The following NEBL variants were observed in gnomAD, a reference collection of about 807,000 sequenced individuals.
NEBL encodes LIM and SH3 protein 2.
A neutral mutation model predicts 140.2 loss-of-function variants in NEBL; 122 were observed. The observed-to-expected ratio is 0.87, with a 90% CI of 0.75 to 1.01. The LOEUF (loss-of-function observed/expected upper bound fraction) is 1.01, where lower values mean the gene tolerates loss of function less well. NEBL is among the 50% of genes least tolerant of loss of function. NEBL has a pLI of 0.00. For missense variants in NEBL, 1,365 were observed against 1,231.3 expected, an observed-to-expected ratio of 1.11 and a Z score of -1.62; for synonymous variants, 436 against 398.9, an observed-to-expected ratio of 1.09 and a Z score of -1.11.
At chr10:20,791,730 G>T (rs1335296929) in intron 26 of NEBL, among the ~76,000 whole-genome samples, 1 of 152,094 alleles carries the variant, frequency 6.6e-6, no homozygotes, top group African/African-American at 2.4e-5. Flanking sequence ...TCTGAAACTG[G>T]AAAAGAGGAA....
At chr10:20,825,369 T>C (rs1839738775) in intron 18 of NEBL, among the ~76,000 whole-genome samples, 2 of 152,190 alleles carry the variant, frequency 1.3e-5, no homozygotes, top group East Asian at 3.9e-4. Flanking sequence ...AGAAACTAAA[T>C]GTAACGGAAA....
chr10:21,097,608 C>G (rs1244122364), intron 2 of NEBL, among the ~76,000 whole-genome samples: 2 of 152,172 alleles, frequency 1.3e-5, no homozygotes, highest in Non-Finnish European at 2.9e-5. Context: ...ATTCTGGTTA[C>G]ATCATTACCC....
At chr10:20,925,812 G>C (rs149886987) in intron 4 of NEBL, among the ~76,000 whole-genome samples, 13 of 152,042 alleles carry the variant, frequency 8.6e-5, no homozygotes, top group South Asian at 4.2e-4. Context: ...TCTGGACATA[G>C]AGCTTTCTCT....
At chr10:21,101,025 T>C (rs1172239788) in intron 2 of NEBL, among the ~76,000 whole-genome samples, 2 of 152,132 alleles carry the variant, frequency 1.3e-5, no homozygotes, top group Non-Finnish European at 2.9e-5. Flanking sequence ...CACCAGAATG[T>C]AACTTTAGAG....
intron 2 of NEBL, among the ~76,000 whole-genome samples, chr10:21,141,231 G>A (rs937175223): frequency 2.6e-5 from 4 of 152,224 alleles, no homozygotes; most frequent in Middle Eastern, 3.4e-3. Context: ...AAATCTGAAC[G>A]AGGTCTGTAG....
intron 16 of NEBL, among the ~76,000 whole-genome samples, chr10:20,830,109 G>A (rs1174688389): frequency 1.3e-5 from 2 of 152,160 alleles, no homozygotes; most frequent in African/African-American, 4.8e-5. Flanking sequence ...CAGCGGCTGT[G>A]TCGGCTGCGG....
At chr10:21,091,038 C>T (rs1397307272) in intron 2 of NEBL, among the ~76,000 whole-genome samples, 1 of 152,130 alleles carries the variant, frequency 6.6e-6, no homozygotes, top group African/African-American at 2.4e-5. Flanking sequence ...CCTCCCTCTC[C>T]TCCATGCCCC....
At chr10:21,107,840 T>C (rs1837793752) in intron 2 of NEBL, among the ~76,000 whole-genome samples, 1 of 152,188 alleles carries the variant, frequency 6.6e-6, no homozygotes, top group Admixed American at 6.5e-5. Flanking sequence ...TTGCCTCAAT[T>C]TCAGAACCTG....
chr10:21,169,059 AAAAAAAAAATATATATATATATAT>A (rs1354212180), intron 2 of NEBL, among the ~76,000 whole-genome samples: 2 of 43,826 alleles, frequency 4.6e-5, no homozygotes, highest in African/African-American at 7.2e-5. Flanking sequence ...CAAAAAAAAA[AAAAAAAAAATATATATATATATAT>A]ATATATATAT....
At chr10:20,933,626 T>C (rs895292652) in intron 4 of NEBL, among the ~76,000 whole-genome samples, 1 of 152,080 alleles carries the variant, frequency 6.6e-6, no homozygotes, top group African/African-American at 2.4e-5. Context: ...CCCAGCTACC[T>C]GGGAGGCTGA....
chr10:20,962,175 G>A (rs556460971), intron 3 of NEBL, among the ~76,000 whole-genome samples: 1 of 152,188 alleles, frequency 6.6e-6, no homozygotes, highest in Non-Finnish European at 1.5e-5. Context: ...ACTGTGAAAG[G>A]AAAGAAAATG....
chr10:20,874,111 C>T (rs551597765), intron 5 of NEBL, among the ~76,000 whole-genome samples: 1 of 152,276 alleles, frequency 6.6e-6, no homozygotes, highest in Non-Finnish European at 1.5e-5. Flanking sequence ...ACCTTATGTG[C>T]TTGATCTCTT....
In NEBL at chr10:20,880,099, G is replaced by A. The variant is rs185765623; in HGVS notation, c.480+695C>T. Among the ~76,000 whole-genome samples the A allele has an allele frequency of 2.6e-3, 400 of 152,174 alleles. 2 individuals are homozygous for A. The highest frequency in any genetic ancestry group is 8.9e-3 in the African/African-American group (371 of 41,510). ...AACAATAGGCCAGGCACGGTGGCTC[G>A]TGCCTGTAATCCCAGCACTTTGGGA... is the stretch of plus-strand genomic sequence containing the variant. On this transcript the variant is annotated intron_variant, in intron 5 of 27. Transcript: ENST00000377122.
Position 21,010,655 on chromosome 10 carries a change from A to G in NEBL, c.249+9462T>C, listed in dbSNP as rs1323588527. ...AAGTAAAACTAAAATAAGACATTTC[A>G]TAAAAGTATACAAATATATAGAGTT... On this transcript the variant is annotated intron_variant, in intron 3 of 6. Coordinates refer to the NEBL transcript ENST00000417816. Among the ~76,000 whole-genome samples, 3 of 152,242 alleles carry G rather than the reference A, an allele frequency of 2.0e-5. No individual in the cohort carries two copies. The East Asian group carries it at 5.8e-4, about 29-fold the overall frequency.
chr10:20,799,472 A>T (rs1410617886), intron 26 of NEBL, among the ~76,000 whole-genome samples: 1 of 152,210 alleles, frequency 6.6e-6, no homozygotes, highest in Non-Finnish European at 1.5e-5. Context: ...TATTTCAATC[A>T]TCAATTCTTC....
At chr10:21,209,980 G>T (rs1841891074) in intron 3 of NEBL, among the ~76,000 whole-genome samples, 1 of 152,012 alleles carries the variant, frequency 6.6e-6, no homozygotes, top group African/African-American at 2.4e-5. Context: ...CCCAAAACCA[G>T]ACCCATTTGG....
In NEBL at chr10:20,780,633, C is replaced by T. The variant is rs1461114668; in HGVS notation, c.*5114G>A. 1.3e-5 allele frequency: 2 copies of T among 152,122 alleles called. No homozygotes were observed. Among genetic ancestry groups the T allele is most frequent in the Non-Finnish European group, 2.9e-5 (2 of 68,028 alleles). The allele number at this position is 152,122 out of a possible 1,614,324, so 9.4% of individuals were successfully genotyped here. On this transcript the variant is annotated 3_prime_UTR_variant, in exon 28 of 28. Transcript: ENST00000377122. ...ACCACGGTGAGAGCCAAGAAGTGAA[C>T]CATTTTTTTTATATCCTGCATTTAT...
chr10:21,285,199 A>C lies in NEBL; in HGVS notation n.182+7631T>G, dbSNP rs140348489. 4.7e-4 allele frequency among the ~76,000 whole-genome samples: 71 copies of C among 152,290 alleles called. 2 individuals are homozygous for C. The East Asian group carries it at 6.4e-3, about 14-fold the overall frequency. On this transcript the variant is annotated intron_variant and non_coding_transcript_variant, in intron 1 of 8. Transcript: ENST00000675702. Reference sequence around the variant, plus strand: ...TGGTTACAGAAGTGTGCCATTATCGAGTAGATCATTGGTGCAGCTTGTAAG... The same window carrying C: ...TGGTTACAGAAGTGTGCCATTATCGCGTAGATCATTGGTGCAGCTTGTAAG...
chr10:21,283,135 CAAAA>C (rs35005779), intron 1 of NEBL, among the ~76,000 whole-genome samples: 14 of 121,416 alleles, frequency 1.2e-4, no homozygotes, highest in Non-Finnish European at 1.5e-4. Flanking sequence ...GACTGTGTCT[CAAAA>C]AAAAAAAAAA....
Sources: allele counts gnomAD v4.1 joint callset (sites outside exome capture counted in the v4.1 genomes callset), GRCh38; gene constraint gnomAD v4.1.1; transcripts MANE v1.5; gene names NCBI Gene and HGNC (gene_info 2026-07-23, HGNC 2026-07-21).